RIMBP2: variants seen among roughly 807,000 people sequenced by gnomAD.
RIMBP2 encodes RIMS-binding protein 2.
In RIMBP2, 48 loss-of-function variants were observed where a neutral mutation model predicts 118.6. The ratio of observed to expected loss-of-function variants is 0.40; its 90% CI spans 0.32 to 0.51. The LOEUF (loss-of-function observed/expected upper bound fraction) is 0.51. RIMBP2 is among the 20% of genes least tolerant of loss of function. The probability of loss-of-function intolerance (pLI) is 0.41; values close to 1 mark genes in which losing one functional copy is unlikely to be tolerated. For synonymous variants in RIMBP2, 762 were observed against 742.9 expected, an observed-to-expected ratio of 1.03 and a Z score of -0.42; for missense variants, 1,551 against 1,768.3, an observed-to-expected ratio of 0.88 and a Z score of 2.20.
At chr12:130,464,485 G>T (rs997360684) in intron 6 of RIMBP2, among the ~76,000 whole-genome samples, 1 of 152,100 alleles carries the variant, frequency 6.6e-6, no homozygotes, top group Non-Finnish European at 1.5e-5. Context: ...CCTACTATGT[G>T]CCAGGCCCTA....
chr12:130,547,473 T>C (rs1239739063), intron 2 of RIMBP2, among the ~76,000 whole-genome samples: 1 of 152,242 alleles, frequency 6.6e-6, no homozygotes, highest in Admixed American at 6.5e-5. Context: ...TATTGCCATG[T>C]TAATCAAAGG....
rs768708905 is a variant in RIMBP2, at chr12:130,438,472, T to C, written c.1549A>G (p.Thr517Ala). The C allele has an allele frequency of 3.5e-5, 57 of 1,611,454 alleles. No individual in the cohort carries two copies. In the Middle Eastern group the frequency reaches 3.2e-3, roughly 90 times the overall value. ...PQDVTVQAGV[T>A]PATIRVSWRP... The stretch of plus-strand genomic sequence containing the variant: ...CAGGAGACCCGGATGGTGGCGGGGG[T>C]CACCCCAGCCTGGACGGTAACATCT... Residue 517 changes from threonine to alanine, a missense_variant, in exon 12 of 23, where the codon ACC becomes GCC. Thr to Ala is a moderately conservative substitution (Grantham distance 58). Transcript: ENST00000690449.
At chr12:130,502,932 G>A (rs1214421914) in intron 4 of RIMBP2, among the ~76,000 whole-genome samples, 2 of 152,124 alleles carry the variant, frequency 1.3e-5, no homozygotes, top group African/African-American at 2.4e-5. Flanking sequence ...GGATGGAGGG[G>A]ACAGGGAAAT....
intron 4 of RIMBP2, among the ~76,000 whole-genome samples, 151 bp from the exon 5 acceptor site, chr12:130,479,167 ACAGGGCTCCTC>A (rs1457340850): frequency 6.6e-6 from 1 of 152,242 alleles, no homozygotes; most frequent in African/African-American, 2.4e-5. Context: ...CGTGCTGCCA[ACAGGGCTCCTC>A]CAGAGGCGGC....
chr12:130,534,124 C>T (rs540857377), intron 2 of RIMBP2, among the ~76,000 whole-genome samples: 216 of 149,484 alleles, frequency 1.4e-3, no homozygotes, highest in African/African-American at 5.0e-3. Context: ...AGAGATCACA[C>T]CCCTGCACTT....
chr12:130,412,599 G>T lies in RIMBP2; in HGVS notation c.3589+20C>A. On this transcript the variant is annotated intron_variant, in intron 19 of 22. Coordinates refer to ENST00000690449, the MANE Select transcript of RIMBP2 (RefSeq NM_001393629.1). Reference sequence around the variant, plus strand: ...TGGGATAAAATGCACAGGGAAGGTCGAATAGGGGTTTGCGCTTACCTATTT... The same window carrying T: ...TGGGATAAAATGCACAGGGAAGGTCTAATAGGGGTTTGCGCTTACCTATTT... 2.5e-6 allele frequency: 4 copies of T among 1,609,402 alleles called. No homozygotes were observed. Among genetic ancestry groups the T allele is most frequent in the Non-Finnish European group, 3.4e-6 (4 of 1,176,848 alleles).
At chr12:130,571,294 C>A (rs1321351569) in intron 2 of RIMBP2, among the ~76,000 whole-genome samples, 1 of 152,090 alleles carries the variant, frequency 6.6e-6, no homozygotes, top group East Asian at 1.9e-4. Context: ...GCAAGGGGAA[C>A]CACCCTGGCA....
Position 130,447,071 on chromosome 12 carries a change from C to CGGAGGAGGA in RIMBP2, c.582-1811_582-1803dup, listed in dbSNP as rs141080486. 5.3e-5 allele frequency among the ~76,000 whole-genome samples: 8 copies of CGGAGGAGGA among 149,822 alleles called. No individual in the cohort carries two copies. The highest frequency in any genetic ancestry group is 2.0e-4 in the African/African-American group (8 of 40,218). ...GACACAGAAGCTGGCAGAGTGTTCT[C>CGGAGGAGGA]GGAGGAGGAGGAGGAGGAGGAGGGA... On this transcript the variant is annotated intron_variant, in intron 9 of 22. Transcript: ENST00000690449. The surrounding 1 kb of genome is among the most constrained non-coding windows in gnomAD (Gnocchi z 4.4).
At chr12:130,713,211 TAGGAAGGAAGGAAGGA>T (rs66952529) in intron 1 of RIMBP2, among the ~76,000 whole-genome samples, 2,135 of 98,058 alleles carry the variant, frequency 0.022, 51 homozygotes, top group African/African-American at 0.044. Context: ...GGAAGGAAGA[TAGGAAGGAAGGAAGGA>T]AGGAAGGAAG....
Position 130,414,268 on chromosome 12 carries a change from C to G in RIMBP2, c.3277G>C (p.Glu1093Gln), listed in dbSNP as rs1226423485. The G allele has an allele frequency of 6.2e-7, 1 of 1,609,570 alleles. No individual in the cohort carries two copies. The highest frequency in any genetic ancestry group is 1.3e-5 in the African/African-American group (1 of 74,748). ...GRDRLSPDFY[E>Q]ESETDPGAEE... ...GCACCAGGGTCAGTTTCTGACTCTT[C>G]ATAGAAGTCTGGAGAAAGGCGGTCT... The change falls in exon 18 of 23, where the codon GAA becomes CAA. Residue 1093 changes from glutamate to glutamine, a missense_variant. Physicochemically the swap from Glu to Gln is conservative, Grantham distance 29. Transcript: ENST00000690449.
At chr12:130,687,511 G>T (rs141849724) in intron 1 of RIMBP2, among the ~76,000 whole-genome samples, 100 of 152,204 alleles carry the variant, frequency 6.6e-4, no homozygotes, top group African/African-American at 2.3e-3. Flanking sequence ...TGTGAAAGGT[G>T]GTCTTTGTGC....
At chr12:130,579,402 T>C (rs979234085) in intron 2 of RIMBP2, among the ~76,000 whole-genome samples, 15 of 152,340 alleles carry the variant, frequency 9.8e-5, no homozygotes, top group Middle Eastern at 3.4e-3. Flanking sequence ...CCCTGGTAGA[T>C]GACGTTTCAC....
intron 9 of RIMBP2, among the ~76,000 whole-genome samples, chr12:130,449,378 G>A (rs1470042572): frequency 6.6e-6 from 1 of 152,246 alleles, no homozygotes; most frequent in Non-Finnish European, 1.5e-5. Context: ...TGGAGGACCT[G>A]AGAGGTGTGC....
At chr12:130,407,527 C>A (rs910156769) in intron 20 of RIMBP2, among the ~76,000 whole-genome samples, 199 bp downstream of exon 20, 3 of 152,178 alleles carry the variant, frequency 2.0e-5, no homozygotes, top group Admixed American at 6.5e-5. Flanking sequence ...AGGGGCTGGC[C>A]ATGTCCCTGG....
rs370841973 is a variant in RIMBP2 at position 130,442,318 on chromosome 12, G to T, written c.1034C>A (p.Thr345Lys). 3 of 1,614,206 alleles carry T rather than the reference G, an allele frequency of 1.9e-6. No individual in the cohort carries two copies. The highest frequency in any genetic ancestry group is 2.5e-6 in the Non-Finnish European group (3 of 1,180,042). The change falls in exon 11 of 23, where the codon ACG (threonine) becomes AAG (lysine). Residue 345 changes from threonine (T) to lysine (K), a missense_variant. Physicochemically the swap from Thr to Lys is moderately conservative, Grantham distance 78. Transcript: ENST00000690449. The surrounding 1 kb of genome is among the most constrained non-coding windows in gnomAD (Gnocchi z 6.9). ...CACCAGGACGTTGTAGCTGCTCACC[G>T]TTCCCCATCCTGGTGGCACCGCCGG... ...EPPAVPPGWG[T>K]VSSYNVLVDK...
rs183632511 is a variant in RIMBP2, at chr12:130,419,016, G to A, written c.3238+3437C>T. 2.6e-5 allele frequency among the ~76,000 whole-genome samples: 4 copies of A among 152,316 alleles called. No individual in the cohort carries two copies. The highest frequency in any genetic ancestry group is 3.9e-4 in the East Asian group (2 of 5,176). ...GTGGGTGGAGCACTTGGAGTTGAACGTATGTGAATAAAATCAGCGTATGCG... is the reference window on the plus strand; with the variant it reads ...GTGGGTGGAGCACTTGGAGTTGAACATATGTGAATAAAATCAGCGTATGCG... On this transcript the variant is annotated intron_variant, in intron 17 of 22. Coordinates refer to ENST00000690449, the MANE Select transcript of RIMBP2 (RefSeq NM_001393629.1). This position sits in a 1 kb window ranked among gnomAD's most constrained non-coding sequence, Gnocchi z 4.3.
At chr12:130,452,527 C>T (rs894226879) in intron 7 of RIMBP2, among the ~76,000 whole-genome samples, 6 of 152,260 alleles carry the variant, frequency 3.9e-5, no homozygotes, top group Non-Finnish European at 8.8e-5. Flanking sequence ...CTTCCAGAAG[C>T]CTCGGAAACC....
rs1346251045 is a variant in RIMBP2 at position 130,397,478 on chromosome 12, A to T, written c.3972T>A (p.Pro1324=). ...SPTVHLHSGS[P]TSSMGSGSPG... ...GACTACCAGAACCCATAGATGACGT[A>T]GGTGACCCCGAATGGAGATGGACTG... Residue 1324 remains proline (P), a synonymous_variant, in exon 23 of 23, where the codon CCT becomes CCA. Transcript: ENST00000690449. The T allele has an allele frequency of 2.5e-6, 1 of 398,898 alleles. No individual in the cohort carries two copies. Among genetic ancestry groups the T allele is most frequent in the African/African-American group, 2.1e-5 (1 of 48,600 alleles). 24.7% of individuals were successfully genotyped at this position (398,898 alleles called of 1,614,324 possible).
At chr12:130,589,020 G>A (rs2059095947) in intron 2 of RIMBP2, among the ~76,000 whole-genome samples, 1 of 152,218 alleles carries the variant, frequency 6.6e-6, no homozygotes, top group African/African-American at 2.4e-5. Context: ...TCAGCCTTCT[G>A]TCCTAAGCCC....
Sources: gnomAD v4.1 joint callset for allele counts (sites outside exome capture counted in the v4.1 genomes callset) on GRCh38, gnomAD v4.1.1 for gene constraint, Gnocchi (gnomAD v3.1) non-coding constraint, MANE v1.5 for transcripts, NCBI Gene and HGNC (gene_info 2026-07-23, HGNC 2026-07-21) for gene names.